The following FMN1 variants were observed in gnomAD, a reference collection of about 807,000 sequenced individuals.
FMN1 encodes the protein formin 1, also known as formin-1.
In FMN1, 110 loss-of-function variants were observed where a neutral mutation model predicts 132.4. The ratio of observed to expected loss-of-function variants is 0.83; its 90% confidence interval spans 0.71 to 0.97. FMN1 has a LOEUF of 0.97. Ranked by LOEUF, FMN1 falls within the 50% of genes least tolerant of loss-of-function variation. FMN1 has a pLI of 0.00. For missense variants in FMN1, 1,792 were observed against 1,705.3 expected, an observed-to-expected ratio of 1.05 and a Z score of -0.90; for synonymous variants, 722 against 651.7, an observed-to-expected ratio of 1.11 and a Z score of -1.64.
chr15:33,074,593 T>C (rs1166970610), intron 5 of FMN1, among the ~76,000 whole-genome samples: 1 of 152,118 alleles, frequency 6.6e-6, no homozygotes, highest in Admixed American at 6.5e-5. Context: ...TGAATATAGA[T>C]AACAAACTAG....
At chr15:32,806,218 T>C (rs776090507) in intron 17 of FMN1, among the ~76,000 whole-genome samples, 87 of 152,356 alleles carry the variant, frequency 5.7e-4, no homozygotes, top group Middle Eastern at 3.4e-3. Context: ...CTAGGATCTA[T>C]GCTGTGATAC....
chr15:33,128,096 G>A (rs1014031106), intron 4 of FMN1, among the ~76,000 whole-genome samples: 1 of 152,144 alleles, frequency 6.6e-6, no homozygotes, highest in Non-Finnish European at 1.5e-5. Context: ...CCAAGAATGA[G>A]GCCAGAAGAA....
chr15:33,003,341 C>G (rs1163531884), intron 7 of FMN1, among the ~76,000 whole-genome samples: 3 of 152,190 alleles, frequency 2.0e-5, no homozygotes, highest in Non-Finnish European at 2.9e-5. Context: ...TGATAAGCAA[C>G]TTCAGCAAAG....
intron 9 of FMN1, among the ~76,000 whole-genome samples, chr15:32,927,083 C>T (rs1371598890): frequency 6.6e-6 from 1 of 152,106 alleles, no homozygotes; most frequent in African/African-American, 2.4e-5. Context: ...AGGCATTAGT[C>T]ATTGCACCTG....
chr15:32,843,171 T>C (rs952004713), intron 17 of FMN1, among the ~76,000 whole-genome samples: 2 of 150,310 alleles, frequency 1.3e-5, no homozygotes, highest in African/African-American at 4.9e-5. Context: ...GGGGAGAGAT[T>C]TGAACTCAGA....
At chr15:32,896,281 C>G (rs2060153360) in intron 15 of FMN1, among the ~76,000 whole-genome samples, 1 of 151,768 alleles carries the variant, frequency 6.6e-6, no homozygotes, top group African/African-American at 2.4e-5. Context: ...ATGATTCTCT[C>G]TTCATTTTTA....
intron 4 of FMN1, among the ~76,000 whole-genome samples, chr15:33,126,392 G>A (rs542809434): frequency 6.6e-6 from 1 of 152,294 alleles, no homozygotes; most frequent in African/African-American, 2.4e-5. Flanking sequence ...TGCACCAAAA[G>A]GAGCCTGGAG....
chr15:33,068,017 C>G lies in FMN1; in HGVS notation c.2044-2943G>C, dbSNP rs1055334951. The G allele has an allele frequency of 9.7e-6, 14 of 1,448,462 alleles. No individual in the cohort carries two copies. The East Asian group carries it at 2.2e-4, about 23-fold the overall frequency. 89.7% of individuals were successfully genotyped at this position (1,448,462 alleles called of 1,614,324 possible). On this transcript the variant is annotated intron_variant, in intron 5 of 20. Transcript: ENST00000616417. The stretch of plus-strand genomic sequence containing the variant: ...CCCGGGAGTCAGGCTGTCAGCCGCA[C>G]AGCAAACACACTTGGTCTCTTTCGG...
At chr15:32,811,690 A>T (rs1269079157) in intron 17 of FMN1, among the ~76,000 whole-genome samples, 6 of 148,152 alleles carry the variant, frequency 4.0e-5, no homozygotes, top group Admixed American at 6.8e-5. Flanking sequence ...TTTGAGACGG[A>T]GTCTCGCTCT....
intron 16 of FMN1, among the ~76,000 whole-genome samples, chr15:32,866,314 A>G (rs2059392700): frequency 6.6e-6 from 1 of 151,998 alleles, no homozygotes; most frequent in Non-Finnish European, 1.5e-5. Flanking sequence ...CATACACTCT[A>G]TTTGGCTGGA....
At chr15:33,097,701 G>C (rs1394320792) in intron 4 of FMN1, among the ~76,000 whole-genome samples, 11 of 152,094 alleles carry the variant, frequency 7.2e-5, no homozygotes, top group Admixed American at 7.2e-4. Context: ...TCATCAAAAA[G>C]ACATAACATG....
At position 33,124,181 on chromosome 15, in the gene FMN1, A is replaced by AG. The variant is rs148192453; in HGVS notation, c.1867+28866dup. Among the ~76,000 whole-genome samples the AG allele has an allele frequency of 5.9e-3, 898 of 152,336 alleles. 5 individuals are homozygous for AG. Among genetic ancestry groups the AG allele is most frequent in the African/African-American group, 0.021 (871 of 41,582 alleles). On this transcript the variant is annotated intron_variant, in intron 4 of 20. Transcript: ENST00000616417. ...TTCATCCTAACCATGCAGAGTGCAA[A>AG]GGGTGAGACGTGGCTTTTCAAAAGA...
chr15:33,077,448 T>C (rs542005964), intron 5 of FMN1, among the ~76,000 whole-genome samples: 1 of 151,476 alleles, frequency 6.6e-6, no homozygotes, highest in South Asian at 2.1e-4. Flanking sequence ...ATGTGCCACG[T>C]TGGTGTGCTG....
intron 16 of FMN1, among the ~76,000 whole-genome samples, chr15:32,871,612 G>T (rs1420114042): frequency 6.6e-6 from 1 of 151,890 alleles, no homozygotes; most frequent in Non-Finnish European, 1.5e-5. Flanking sequence ...ATTTCTTTAG[G>T]AAATGACCTA....
intron 4 of FMN1, among the ~76,000 whole-genome samples, chr15:33,117,625 G>T (rs1396937405): frequency 1.3e-5 from 2 of 152,160 alleles, no homozygotes; most frequent in African/African-American, 2.4e-5. Context: ...CGTGGAATGA[G>T]ATATTTAACA....
chr15:33,192,763 T>C (rs1966122464), intron 2 of FMN1, among the ~76,000 whole-genome samples: 1 of 152,230 alleles, frequency 6.6e-6, no homozygotes, highest in South Asian at 2.1e-4. Context: ...AGACTGGCCT[T>C]TATTATCCTT....
chr15:32,785,161 C>CGT (rs1178285469), intron 19 of FMN1, among the ~76,000 whole-genome samples: 2,790 of 51,534 alleles, frequency 0.054, 225 homozygotes, highest in East Asian at 0.3. Context: ...TGTATACGTA[C>CGT]GTGTGTGTGT....
chr15:32,968,105 T>C (rs181578189), intron 8 of FMN1, among the ~76,000 whole-genome samples: 29 of 152,342 alleles, frequency 1.9e-4, no homozygotes, highest in African/African-American at 5.8e-4. Flanking sequence ...TACTGACACT[T>C]TCTCTGAAGG....
At chr15:32,846,757 C>T (rs372371388) in intron 17 of FMN1, among the ~76,000 whole-genome samples, 1 of 152,160 alleles carries the variant, frequency 6.6e-6, no homozygotes, top group South Asian at 2.1e-4. Flanking sequence ...GATGCATGCA[C>T]ACGTATGTTT....
Sources: gnomAD v4.1 joint callset for allele counts (sites outside exome capture counted in the v4.1 genomes callset) on GRCh38, gnomAD v4.1.1 for gene constraint, MANE v1.5 for transcripts, NCBI Gene and HGNC (gene_info 2026-07-23, HGNC 2026-07-21) for gene names.